The following BICC1 variants were observed in gnomAD, a reference collection of about 807,000 sequenced individuals.
The protein encoded by BICC1 is protein bicaudal C homolog 1.
Under a neutral mutation model 111.0 loss-of-function variants are expected in BICC1, and 43 were observed. The ratio of observed to expected loss-of-function variants is 0.39; its 90% CI spans 0.30 to 0.50. The LOEUF (loss-of-function observed/expected upper bound fraction) is 0.50. Ranked by LOEUF, BICC1 falls within the 20% of genes least tolerant of loss-of-function variation. BICC1 has a pLI of 0.88. For missense variants in BICC1, 1,091 were observed against 1,203.2 expected, an observed-to-expected ratio of 0.91 and a Z score of 1.38; for synonymous variants, 467 against 434.4, an observed-to-expected ratio of 1.07 and a Z score of -0.93.
chr10:58,712,971 A>G (rs539319112), intron 3 of BICC1, among the ~76,000 whole-genome samples: 1 of 152,240 alleles, frequency 6.6e-6, no homozygotes, highest in Non-Finnish European at 1.5e-5. Flanking sequence ...AGTCGTAGAT[A>G]CTAGACACAG....
chr10:58,738,574 C>CT (rs1481706944), intron 3 of BICC1, among the ~76,000 whole-genome samples: 1 of 151,490 alleles, frequency 6.6e-6, no homozygotes, highest in Non-Finnish European at 1.5e-5. Context: ...AATGCAGGCT[C>CT]TTTTTTGGTT....
chr10:58,819,909 A>G (rs1173011215), intron 19 of BICC1, among the ~76,000 whole-genome samples: 1 of 152,182 alleles, frequency 6.6e-6, no homozygotes, highest in Non-Finnish European at 1.5e-5. Context: ...AGTTGAGCCA[A>G]GTGAACTGTA....
At chr10:58,672,205 C>T (rs1202107629) in intron 2 of BICC1, among the ~76,000 whole-genome samples, 1 of 152,062 alleles carries the variant, frequency 6.6e-6, no homozygotes, top group African/African-American at 2.4e-5. Context: ...TTTCATTATC[C>T]ACAACTGAAA....
chr10:58,544,605 T>A (rs547456004), intron 1 of BICC1, among the ~76,000 whole-genome samples: 1 of 152,292 alleles, frequency 6.6e-6, no homozygotes, highest in South Asian at 2.1e-4. Context: ...AGTTTTACAT[T>A]GTGTGTTACA....
intron 2 of BICC1, among the ~76,000 whole-genome samples, chr10:58,685,481 G>A (rs1019640354): frequency 2.2e-4 from 34 of 152,128 alleles, no homozygotes; most frequent in African/African-American, 5.3e-4. Flanking sequence ...AAAATCTTCC[G>A]TTATTATTTT....
intron 1 of BICC1, among the ~76,000 whole-genome samples, chr10:58,514,931 T>C (rs991843782): frequency 6.6e-5 from 10 of 152,214 alleles, no homozygotes; most frequent in African/African-American, 1.2e-4. Flanking sequence ...CTCATCCTTT[T>C]CAACCAGCTT....
chr10:58,574,966 A>G (rs1844065475), intron 1 of BICC1, among the ~76,000 whole-genome samples: 1 of 152,240 alleles, frequency 6.6e-6, no homozygotes, highest in East Asian at 1.9e-4. Flanking sequence ...ACGAGTGAGC[A>G]AAAAATGACT....
At chr10:58,814,172 C>T in intron 18 of BICC1, 186 bp downstream of exon 18, 1 of 703,736 alleles carries the variant, frequency 1.4e-6, no homozygotes, top group Admixed American at 2.2e-5. Context: ...TTTCCTCTCA[C>T]TCCATTTTGT....
At chr10:58,581,449 C>G (rs1271514319) in intron 1 of BICC1, among the ~76,000 whole-genome samples, 2 of 152,100 alleles carry the variant, frequency 1.3e-5, no homozygotes, top group Non-Finnish European at 2.9e-5. Context: ...TCACATGCCT[C>G]TGTTTTATGA....
chr10:58,799,902 G>A (rs1843484920), intron 12 of BICC1, among the ~76,000 whole-genome samples: 1 of 152,078 alleles, frequency 6.6e-6, no homozygotes, highest in Admixed American at 6.6e-5. Flanking sequence ...TGTTTGTAGT[G>A]TGATAGGAAT....
At chr10:58,814,206 C>A (rs779400364) in intron 18 of BICC1, 1 of 634,616 alleles carries the variant, frequency 1.6e-6, no homozygotes, top group Non-Finnish European at 2.9e-6. Context: ...CTAGCACTTG[C>A]CATACCAAAG....
intron 1 of BICC1, among the ~76,000 whole-genome samples, chr10:58,601,164 A>AT (rs1564506855): frequency 2.1e-5 from 3 of 140,512 alleles, no homozygotes; most frequent in African/African-American, 7.7e-5. Flanking sequence ...ATATATATAT[A>AT]TATATATCTC....
In BICC1 at chr10:58,789,375, A is replaced by C. The variant is rs760081748; in HGVS notation, c.714A>C (p.Ser238=). 3.1e-6 allele frequency: 5 copies of C among 1,613,970 alleles called. No homozygotes were observed. The highest frequency in any genetic ancestry group is 1.7e-5 in the Admixed American group (1 of 59,994). ...ATATATCACAAACGTACAATATTTC[A>C]GTATCATTTAAACAGCGTTCCCGAA... ...IQHISQTYNI[S]VSFKQRSRMY... is the part of the protein sequence containing the mutation. The change falls in exon 7 of 21, where the codon TCA becomes TCC. Residue 238 remains serine, a synonymous_variant. Coordinates refer to ENST00000373886, the MANE Select transcript of BICC1 (RefSeq NM_001080512.3).
At chr10:58,710,257 T>C (rs780887171) in intron 3 of BICC1, among the ~76,000 whole-genome samples, 3 of 152,132 alleles carry the variant, frequency 2.0e-5, no homozygotes, top group Non-Finnish European at 4.4e-5. Context: ...TTCAGGTCTG[T>C]TTGTTTCCAG....
chr10:58,730,532 G>C (rs1841255616), intron 3 of BICC1, among the ~76,000 whole-genome samples: 1 of 152,026 alleles, frequency 6.6e-6, no homozygotes, highest in South Asian at 2.1e-4. Flanking sequence ...CTCTGTGTGG[G>C]AGCCCCAACC....
intron 3 of BICC1, among the ~76,000 whole-genome samples, chr10:58,761,272 T>C (rs1842308355): frequency 6.6e-6 from 1 of 152,114 alleles, no homozygotes. Flanking sequence ...AGGAGCCGAG[T>C]GCGGCTGGAA....
At chr10:58,816,472 A>T (rs182837728) in intron 18 of BICC1, among the ~76,000 whole-genome samples, 108 of 152,254 alleles carry the variant, frequency 7.1e-4, no homozygotes, top group Non-Finnish European at 1.3e-3. Flanking sequence ...ATCATAGAGG[A>T]CATCTCAATT....
chr10:58,642,392 G>T (rs771386118), intron 2 of BICC1, among the ~76,000 whole-genome samples: 5 of 152,152 alleles, frequency 3.3e-5, no homozygotes, highest in Admixed American at 1.3e-4. Context: ...GTGTTCCAGG[G>T]TGTGGAAGAG....
Position 58,799,787 on chromosome 10 carries a change from G to C in BICC1, c.1726-407G>C, listed in dbSNP as rs145330733. 7.9e-5 allele frequency among the ~76,000 whole-genome samples: 12 copies of C among 152,070 alleles called. No homozygotes were observed. In the East Asian group the frequency reaches 2.3e-3, roughly 29 times the overall value. ...ATAGTTTGAAGTCAGGTAGTATGATGCCTCTAGCTTTATTCTTTTTGCTTA... is the reference window on the plus strand; with the variant it reads ...ATAGTTTGAAGTCAGGTAGTATGATCCCTCTAGCTTTATTCTTTTTGCTTA... On this transcript the variant is annotated intron_variant, in intron 12 of 20. Transcript: ENST00000373886.
Sources: gnomAD v4.1 joint callset for allele counts (sites outside exome capture counted in the v4.1 genomes callset) on GRCh38, gnomAD v4.1.1 for gene constraint, MANE v1.5 for transcripts, NCBI Gene and HGNC (gene_info 2026-07-23, HGNC 2026-07-21) for gene names.